The following IMPA2 variants were observed in gnomAD, a reference collection of about 807,000 sequenced individuals.
IMPA2 encodes inositol monophosphatase 2, also known as IMP 2.
A neutral mutation model predicts 35.1 loss-of-function variants in IMPA2; 32 were observed. The observed-to-expected ratio is 0.91, with a 90% CI of 0.69 to 1.23. The LOEUF is 1.23. Among genes scored for constraint, IMPA2 ranks in the 50% most tolerant of loss-of-function variants. The probability of loss-of-function intolerance (pLI) is 0.00; values close to 1 mark genes in which losing one functional copy is unlikely to be tolerated. For missense variants in IMPA2, 334 were observed against 387.6 expected, an observed-to-expected ratio of 0.86 and a Z score of 1.16; for synonymous variants, 135 against 160.6, an observed-to-expected ratio of 0.84 and a Z score of 1.20.
At chr18:12,004,008 C>G (rs1312074991) in intron 2 of IMPA2, among the ~76,000 whole-genome samples, 4 of 152,216 alleles carry the variant, frequency 2.6e-5, no homozygotes, top group African/African-American at 9.7e-5. Flanking sequence ...TGCTCCAGAG[C>G]CCCCATGTAA....
chr18:11,986,411 C>G (rs1906667858), intron 1 of IMPA2, among the ~76,000 whole-genome samples: 2 of 152,170 alleles, frequency 1.3e-5, no homozygotes, highest in African/African-American at 4.8e-5. Flanking sequence ...AGTGCCCCAC[C>G]TGGTCCTGCT....
At chr18:12,016,722 T>G in intron 5 of IMPA2, among the ~76,000 whole-genome samples, 1 of 152,174 alleles carries the variant, frequency 6.6e-6, no homozygotes, top group East Asian at 1.9e-4. Flanking sequence ...CCTGGCCGAT[T>G]CTGCCACTTT....
At chr18:12,008,188 G>A (rs1211101750) in intron 2 of IMPA2, 1 of 406,748 alleles carries the variant, frequency 2.5e-6, no homozygotes, top group Non-Finnish European at 4.9e-6. Flanking sequence ...TAGAGACAGG[G>A]TTTCACCATG....
At chr18:11,995,004 A>T (rs991888512) in intron 1 of IMPA2, 1 of 152,134 alleles carries the variant, frequency 6.6e-6, no homozygotes, top group Non-Finnish European at 1.5e-5. Context: ...TCCAGGGTTA[A>T]TGATTCCATG....
chr18:12,022,528 A>AAAATATAT (rs68185380), intron 5 of IMPA2, among the ~76,000 whole-genome samples: 20 of 96,822 alleles, frequency 2.1e-4, no homozygotes, highest in African/African-American at 8.6e-4. Context: ...TCTCAAAAAG[A>AAAATATAT]ATATATATAT....
chr18:12,019,642 C>T (rs916489599), intron 5 of IMPA2, among the ~76,000 whole-genome samples: 2 of 152,022 alleles, frequency 1.3e-5, no homozygotes, highest in African/African-American at 4.8e-5. Flanking sequence ...CATTGAAATC[C>T]ATTGGGCTAT....
chr18:12,003,577 G>A (rs1309059379), intron 2 of IMPA2, among the ~76,000 whole-genome samples: 1 of 151,592 alleles, frequency 6.6e-6, no homozygotes, highest in Non-Finnish European at 1.5e-5. Flanking sequence ...CTTGAACCTG[G>A]GAAGTGGAGG....
chr18:11,984,173 C>T (rs1247387527), intron 1 of IMPA2, among the ~76,000 whole-genome samples: 1 of 152,228 alleles, frequency 6.6e-6, no homozygotes, highest in Non-Finnish European at 1.5e-5. Flanking sequence ...GGAGAAACTG[C>T]TTCCATTTCC....
intron 4 of IMPA2, among the ~76,000 whole-genome samples, chr18:12,012,950 A>G (rs568470480): frequency 9.2e-5 from 14 of 152,234 alleles, no homozygotes; most frequent in African/African-American, 2.7e-4. Context: ...GTACTAAAGT[A>G]TCTCAAAGTA....
intron 1 of IMPA2, chr18:11,995,042 CGGAGG>C (rs150272858): frequency 4.2e-4 from 64 of 150,972 alleles, no homozygotes; most frequent in African/African-American, 1.4e-3. Context: ...TCTCAGAGCT[CGGAGG>C]GGAGGGGAGG....
intron 1 of IMPA2, among the ~76,000 whole-genome samples, chr18:11,984,126 C>G (rs1906586938): frequency 6.6e-6 from 1 of 152,190 alleles, no homozygotes; most frequent in Non-Finnish European, 1.5e-5. Context: ...GTGCACTGTC[C>G]TTTCTCTCTT....
At chr18:12,004,084 A>G (rs1907189063) in intron 2 of IMPA2, among the ~76,000 whole-genome samples, 1 of 152,248 alleles carries the variant, frequency 6.6e-6, no homozygotes, top group Non-Finnish European at 1.5e-5. Flanking sequence ...GCAAAACATC[A>G]AACAGAATCC....
Position 12,030,340 on chromosome 18 carries a change from C to T in IMPA2, c.752-3C>T. 4 of 1,613,188 alleles carry T rather than the reference C, an allele frequency of 2.5e-6. No homozygotes were observed. The highest frequency in any genetic ancestry group is 3.4e-6 in the Non-Finnish European group (4 of 1,179,076). On this transcript the variant is annotated splice_polypyrimidine_tract_variant and splice_region_variant and intron_variant, in intron 7 of 7. Transcript: ENST00000269159. ...ATGCCTGGCTCTCTCTGTCTGTCCC[C>T]AGGTGGACCCCTCGACCTCATGGCT...
intron 1 of IMPA2, among the ~76,000 whole-genome samples, chr18:11,984,496 A>C (rs887167451): frequency 2.0e-5 from 3 of 152,248 alleles, no homozygotes; most frequent in Non-Finnish European, 4.4e-5. Flanking sequence ...GAGCTGAACC[A>C]GCTTCTGTTG....
intron 2 of IMPA2, among the ~76,000 whole-genome samples, chr18:12,005,874 AAGG>A (rs1266360958): frequency 1.3e-5 from 2 of 152,214 alleles, no homozygotes; most frequent in Non-Finnish European, 2.9e-5. Flanking sequence ...CAGGTTTAAA[AAGG>A]AGAAGAATTG....
At chr18:11,993,584 C>A (rs552904994) in intron 1 of IMPA2, among the ~76,000 whole-genome samples, 1 of 152,318 alleles carries the variant, frequency 6.6e-6, no homozygotes, top group East Asian at 1.9e-4. Flanking sequence ...TGGAGGAGTG[C>A]ATGGCCCAGT....
intron 7 of IMPA2, among the ~76,000 whole-genome samples, 199 bp from the exon 8 acceptor site, chr18:12,030,144 G>C (rs1180957425): frequency 6.6e-6 from 1 of 152,018 alleles, no homozygotes; most frequent in African/African-American, 2.4e-5. Flanking sequence ...ATTCACACTG[G>C]GGTGGGGCGG....
At chr18:12,020,179 TATTG>T (rs200100858) in intron 5 of IMPA2, among the ~76,000 whole-genome samples, 13,467 of 151,136 alleles carry the variant, frequency 0.089, 820 homozygotes, top group African/African-American at 0.17. Flanking sequence ...GGCCTTTATT[TATTG>T]ATTGATTGAT....
At chr18:12,007,724 TTC>T (rs145382692) in intron 2 of IMPA2, among the ~76,000 whole-genome samples, 3 of 147,066 alleles carry the variant, frequency 2.0e-5, no homozygotes, top group African/African-American at 7.4e-5. Context: ...CCTTCTTTAT[TTC>T]TCTCTCTCTC....
Sources: gnomAD v4.1 joint callset for allele counts (sites outside exome capture counted in the v4.1 genomes callset) on GRCh38, gnomAD v4.1.1 for gene constraint, MANE v1.5 for transcripts, NCBI Gene and HGNC (gene_info 2026-07-23, HGNC 2026-07-21) for gene names.